VKORC1L1: variants seen among roughly 807,000 people sequenced by gnomAD.
The protein encoded by VKORC1L1 is vitamin K epoxide reductase complex subunit 1-like protein 1.
In VKORC1L1, 2 loss-of-function variants were observed where a neutral mutation model predicts 18.9. The observed-to-expected ratio is 0.11, with a 90% CI of 0.04 to 0.33. VKORC1L1 has a LOEUF of 0.33. Ranked by LOEUF, VKORC1L1 falls within the 10% of genes least tolerant of loss-of-function variation. The pLI, the probability that VKORC1L1 is intolerant of heterozygous loss-of-function variation, is 1.00. For synonymous variants in VKORC1L1, 96 were observed against 100.0 expected, an observed-to-expected ratio of 0.96 and a Z score of 0.24; for missense variants, 123 against 224.1, an observed-to-expected ratio of 0.55 and a Z score of 2.88.
rs966644142 is a variant in VKORC1L1, at chr7:65,958,996, C to G, written c.*4696C>G. On this transcript the variant is annotated 3_prime_UTR_variant, in exon 3 of 3. Coordinates refer to ENST00000360768, the MANE Select transcript of VKORC1L1 (RefSeq NM_173517.6). The stretch of plus-strand genomic sequence containing the variant: ...AACAAGTGTGTTCTGTGCTGGAGCT[C>G]AAGACCTGTGGAAAGGGACTGCCCC... 1 of 152,220 alleles carries G rather than the reference C, an allele frequency of 6.6e-6. No individual in the cohort carries two copies. The highest frequency in any genetic ancestry group is 1.5e-5 in the Non-Finnish European group (1 of 68,046). 9.4% of individuals were successfully genotyped at this position (152,220 alleles called of 1,614,324 possible). A position where few individuals can be genotyped will look rare whatever the true frequency, so the allele number is the denominator to read the frequency against.
chr7:65,928,072 T>C (rs1231994832), intron 1 of VKORC1L1, among the ~76,000 whole-genome samples: 1 of 152,090 alleles, frequency 6.6e-6, no homozygotes, highest in Non-Finnish European at 1.5e-5. Flanking sequence ...CACATATAGG[T>C]TATTTTCTAC....
chr7:65,941,769 C>T (rs915615429), intron 1 of VKORC1L1, among the ~76,000 whole-genome samples: 4 of 143,952 alleles, frequency 2.8e-5, no homozygotes, highest in East Asian at 2.2e-4. Context: ...CTCTCCCTCT[C>T]GGGTTCAAGC....
At chr7:65,882,016 G>T (rs1254274843) in intron 1 of VKORC1L1, among the ~76,000 whole-genome samples, 2 of 151,948 alleles carry the variant, frequency 1.3e-5, no homozygotes, top group East Asian at 1.9e-4. Context: ...GGAGGCAGAG[G>T]TTGCAGTGAG....
intron 2 of VKORC1L1, among the ~76,000 whole-genome samples, chr7:65,949,798 T>C (rs1790183627): frequency 6.6e-6 from 1 of 152,114 alleles, no homozygotes; most frequent in African/African-American, 2.4e-5. Context: ...ACTAATAATT[T>C]AATGTGAACT....
In VKORC1L1 at chr7:65,873,153, C is replaced by G; in HGVS notation, c.-219C>G. 2.2e-6 allele frequency: 1 copy of G among 458,262 alleles called. No homozygotes were observed. Among genetic ancestry groups the G allele is most frequent in the Non-Finnish European group, 2.9e-6 (1 of 348,626 alleles). 28.4% of individuals were successfully genotyped at this position (458,262 alleles called of 1,614,324 possible). On this transcript the variant is annotated 5_prime_UTR_variant, in exon 1 of 3. Transcript: ENST00000360768. ...TCCGCGCCCGCGCGCGCCTTCCCCG[C>G]CCCGTCCGCCTCACTCCTTTTGGGG...
At chr7:65,912,012 T>C (rs916888837) in intron 1 of VKORC1L1, among the ~76,000 whole-genome samples, 2 of 152,092 alleles carry the variant, frequency 1.3e-5, no homozygotes, top group African/African-American at 4.8e-5. Context: ...TCCCATAATA[T>C]AATATCAAGG....
intron 1 of VKORC1L1, among the ~76,000 whole-genome samples, chr7:65,882,836 T>C (rs1224839431): frequency 6.6e-6 from 1 of 152,216 alleles, no homozygotes; most frequent in Non-Finnish European, 1.5e-5. Flanking sequence ...GACTACCAAG[T>C]ATTCATTCCT....
At chr7:65,888,956 C>A (rs143283713) in intron 1 of VKORC1L1, among the ~76,000 whole-genome samples, 185 of 151,976 alleles carry the variant, frequency 1.2e-3, no homozygotes, top group Admixed American at 2.6e-3. Context: ...TGAGTAGTAC[C>A]CATAATCCAT....
intron 1 of VKORC1L1, among the ~76,000 whole-genome samples, chr7:65,883,779 C>T (rs1583823376): frequency 1.4e-5 from 2 of 146,548 alleles, no homozygotes; most frequent in Non-Finnish European, 1.5e-5. Context: ...ATTACAGGTG[C>T]AAGCCACCAC....
chr7:65,873,313 G>C lies in VKORC1L1; in HGVS notation c.-59G>C. ...GGCGGTGGCGGCTGGGTCGGGCCCC[G>C]ACGGGCGGCGGCGGCTGAGGTGGAG... is the stretch of plus-strand genomic sequence containing the variant. On this transcript the variant is annotated 5_prime_UTR_variant, in exon 1 of 3. Transcript: ENST00000360768. 7.8e-7 allele frequency: 1 copy of C among 1,283,412 alleles called. No homozygotes were observed. The highest frequency in any genetic ancestry group is 1.0e-6 in the Non-Finnish European group (1 of 1,000,118). The allele number at this position is 1,283,412 out of a possible 1,614,324, so 79.5% of individuals were successfully genotyped here.
At chr7:65,897,636 G>GC (rs1789236832) in intron 1 of VKORC1L1, among the ~76,000 whole-genome samples, 1 of 151,074 alleles carries the variant, frequency 6.6e-6, no homozygotes, top group Admixed American at 6.6e-5. Flanking sequence ...AGTCAGGGTA[G>GC]TATTACTCTT....
At chr7:65,912,177 T>G (rs938253160) in intron 1 of VKORC1L1, among the ~76,000 whole-genome samples, 2 of 152,214 alleles carry the variant, frequency 1.3e-5, no homozygotes, top group Non-Finnish European at 2.9e-5. Flanking sequence ...TGCACTCTAA[T>G]TTTCAAAAGC....
intron 1 of VKORC1L1, among the ~76,000 whole-genome samples, chr7:65,899,292 G>C (rs1168515683): frequency 6.6e-6 from 1 of 152,032 alleles, no homozygotes; most frequent in Non-Finnish European, 1.5e-5. Flanking sequence ...GTCCAACATT[G>C]GCCTACTCTT....
chr7:65,929,631 A>G lies in VKORC1L1; in HGVS notation c.195-19040A>G, dbSNP rs149017645. On this transcript the variant is annotated intron_variant, in intron 1 of 2. Coordinates refer to ENST00000360768, the MANE Select transcript of VKORC1L1 (RefSeq NM_173517.6). ...AACATTTGTCACTATCCACAAAAAA[A>G]TGCTACTGATATATATATATATGTA... Among the ~76,000 whole-genome samples the G allele has an allele frequency of 3.6e-3, 530 of 148,958 alleles. 4 individuals carry two copies. Among genetic ancestry groups the G allele is most frequent in the African/African-American group, 0.012 (506 of 40,578 alleles).
chr7:65,943,481 C>T (rs1790069177), intron 1 of VKORC1L1, among the ~76,000 whole-genome samples: 1 of 152,080 alleles, frequency 6.6e-6, no homozygotes, highest in African/African-American at 2.4e-5. Flanking sequence ...ACAAATCTTC[C>T]ACTAAGTTCC....
intron 1 of VKORC1L1, among the ~76,000 whole-genome samples, chr7:65,904,018 C>T (rs111513075): frequency 2.0e-5 from 3 of 151,910 alleles, no homozygotes; most frequent in South Asian, 2.1e-4. Flanking sequence ...CCTTTTTGCA[C>T]GATGGAAATG....
chr7:65,884,447 G>A (rs537545595), intron 1 of VKORC1L1, among the ~76,000 whole-genome samples: 1 of 152,220 alleles, frequency 6.6e-6, no homozygotes, highest in South Asian at 2.1e-4. Flanking sequence ...GACCAGCCTG[G>A]CCAACGTGGT....
rs1341380577 is a variant in VKORC1L1 at position 65,958,894 on chromosome 7, T to C, written c.*4594T>C. ...TAGCTTACCTTGAATACTCCCTGTA[T>C]AATCCTCTAAAAAGGTAGCATCGGC... On this transcript the variant is annotated 3_prime_UTR_variant, in exon 3 of 3. Transcript: ENST00000360768. The C allele has an allele frequency of 6.6e-6, 1 of 152,242 alleles. No individual in the cohort carries two copies. Among genetic ancestry groups the C allele is most frequent in the African/African-American group, 2.4e-5 (1 of 41,460 alleles). 9.4% of individuals were successfully genotyped at this position (152,242 alleles called of 1,614,324 possible).
At chr7:65,912,076 A>G (rs1415914883) in intron 1 of VKORC1L1, among the ~76,000 whole-genome samples, 6 of 152,170 alleles carry the variant, frequency 3.9e-5, no homozygotes, top group Non-Finnish European at 8.8e-5. Context: ...GTGAGCCGCT[A>G]TTGCACCATT....
Sources: gnomAD v4.1 joint callset for allele counts (sites outside exome capture counted in the v4.1 genomes callset) on GRCh38, gnomAD v4.1.1 for gene constraint, MANE v1.5 for transcripts, NCBI Gene and HGNC (gene_info 2026-07-23, HGNC 2026-07-21) for gene names.